The following ADAM28 variants were observed in gnomAD, a reference collection of about 807,000 sequenced individuals.
The protein encoded by ADAM28 is ADAM metallopeptidase domain 28.
Under a neutral mutation model 101.2 loss-of-function variants are expected in ADAM28, and 105 were observed. The ratio of observed to expected loss-of-function variants is 1.04; its 90% confidence interval spans 0.89 to 1.22. The LOEUF (loss-of-function observed/expected upper bound fraction) is 1.22. Among genes scored for constraint, ADAM28 ranks in the 50% most tolerant of loss-of-function variants. The pLI is 0.00. For synonymous variants in ADAM28, 322 were observed against 310.6 expected (o/e 1.04, Z -0.39); for missense variants, 1,028 against 945.4 (o/e 1.09, Z -1.15).
rs1460300825 is a variant in ADAM28 at position 24,339,467 on chromosome 8, A to T, written c.1569A>T (p.Gly523=). The change falls in exon 15 of 23, where the codon GGA becomes GGT. Residue 523 remains glycine, a splice_region_variant and synonymous_variant. Coordinates refer to ENST00000265769, the MANE Select transcript of ADAM28 (RefSeq NM_014265.6). ...CCTGCTGACTGATCCTGGTCCCAGG[A>T]ACTGAGGTTGCAGATAAGTCATGTT... ...QEQCTELWGP[G]TEVADKSCYN... is the part of the protein sequence containing the mutation. 2 of 1,612,036 alleles carry T rather than the reference A, an allele frequency of 1.2e-6. No homozygotes were observed. Among genetic ancestry groups the T allele is most frequent in the Admixed American group, 3.3e-5 (2 of 59,826 alleles).
rs1410568685 is a variant in ADAM28 at position 24,306,383 on chromosome 8, TATTTAAAA to T, written c.151-3508_151-3501del. Among the ~76,000 whole-genome samples, 16 of 136,802 alleles carry T rather than the reference TATTTAAAA, an allele frequency of 1.2e-4. 1 individual carries two copies. The highest frequency in any genetic ancestry group is 2.2e-4 in the Non-Finnish European group (14 of 64,488). The allele number at this position is 136,802 out of a possible 152,430, so 89.7% of individuals were successfully genotyped here. On this transcript the variant is annotated intron_variant, in intron 2 of 22. Transcript: ENST00000265769. ...AAATAAATATATATATATATATATA[TATTTAAAA>T]ATATATATATATATGTTCCACACAA...
At chr8:24,350,008 T>C in intron 19 of ADAM28, 36 bp downstream of exon 19, 1 of 1,581,638 alleles carries the variant, frequency 6.3e-7, no homozygotes, top group Non-Finnish European at 8.7e-7. Context: ...AGGGACTCTT[T>C]GACCCCTATT....
chr8:24,305,836 G>T (rs1044238035), intron 2 of ADAM28, among the ~76,000 whole-genome samples: 1 of 140,364 alleles, frequency 7.1e-6, no homozygotes, highest in African/African-American at 2.5e-5. Context: ...TGCTTCCACA[G>T]CATCTCAGAA....
rs767374899 is a variant in ADAM28 at position 24,351,252 on chromosome 8, CCAGGCCACA to C, written c.2123_2131del (p.Arg708_His710del). The C allele has an allele frequency of 1.1e-5, 18 of 1,606,504 alleles. No individual in the cohort carries two copies. Among genetic ancestry groups the C allele is most frequent in the Non-Finnish European group, 1.5e-5 (18 of 1,176,654 alleles). ...TACAGGCCACTATCTACCACTGGCA[CCAGGCCACA>C]CAAACAGAAGAGGAAACCCCAGATG... On this transcript the variant is annotated inframe_deletion, in exon 20 of 23. Coordinates refer to ENST00000265769, the MANE Select transcript of ADAM28 (RefSeq NM_014265.6).
In ADAM28 at chr8:24,302,991, G is replaced by T. The variant is rs1809032066; in HGVS notation, c.150+2914G>T. 3.5e-5 allele frequency among the ~76,000 whole-genome samples: 5 copies of T among 141,858 alleles called. No individual in the cohort carries two copies. In the South Asian group the frequency reaches 1.1e-3, roughly 31 times the overall value. 93.1% of individuals were successfully genotyped at this position (141,858 alleles called of 152,430 possible). ...GTGTCCATGTGTTCTCATTGTTCAG[G>T]GTTGTTTGTTTTTCTTATAAATTTA... On this transcript the variant is annotated intron_variant, in intron 2 of 22. Coordinates refer to ENST00000265769, the MANE Select transcript of ADAM28 (RefSeq NM_014265.6).
chr8:24,341,331 T>C, intron 15 of ADAM28: 1 of 322,232 alleles, frequency 3.1e-6, no homozygotes, highest in Non-Finnish European at 5.6e-6. Context: ...GTGCTTAAGA[T>C]TCTGTTTTCT....
At chr8:24,318,297 G>A (rs527799425) in intron 6 of ADAM28, among the ~76,000 whole-genome samples, 4 of 151,956 alleles carry the variant, frequency 2.6e-5, no homozygotes, top group African/African-American at 4.8e-5. Flanking sequence ...ACATTTTATC[G>A]TTTTGGCTTT....
chr8:24,348,512 T>C (rs2129337170), intron 18 of ADAM28, among the ~76,000 whole-genome samples: 1 of 152,322 alleles, frequency 6.6e-6, no homozygotes, highest in East Asian at 1.9e-4. Flanking sequence ...TAGGATTATT[T>C]TCTGTCTCTC....
At chr8:24,324,143 A>G in intron 9 of ADAM28, 140 bp downstream of exon 9, 1 of 643,186 alleles carries the variant, frequency 1.6e-6, no homozygotes, top group Non-Finnish European at 2.4e-6. Flanking sequence ...ATATGCTCTT[A>G]TTTTGGATCC....
chr8:24,305,433 T>A (rs1025174060), intron 2 of ADAM28, among the ~76,000 whole-genome samples: 17 of 148,820 alleles, frequency 1.1e-4, no homozygotes, highest in African/African-American at 4.2e-4. Context: ...ACTGTCCAGG[T>A]AAATTTTTAA....
rs1199660078 is a variant in ADAM28 at position 24,343,508 on chromosome 8, G to C, written c.1914G>C (p.Val638=). 1.2e-6 allele frequency: 2 copies of C among 1,613,732 alleles called. No homozygotes were observed. Among genetic ancestry groups the C allele is most frequent in the Non-Finnish European group, 1.7e-6 (2 of 1,179,800 alleles). The change falls in exon 18 of 23, where the codon GTG becomes GTC. Residue 638 remains valine, a splice_region_variant and synonymous_variant. Transcript: ENST00000265769. The part of the protein sequence containing the change: ...NCSSKCKGHA[V]CDHELQCQCE... ...TAACAGGATCATTGCTCCCCTAGGTGTGTGACCATGAGCTCCAGTGTCAAT... is the reference window on the plus strand; with the variant it reads ...TAACAGGATCATTGCTCCCCTAGGTCTGTGACCATGAGCTCCAGTGTCAAT...
In ADAM28 at chr8:24,294,213, T is replaced by C. The variant is rs1432337516; in HGVS notation, c.46+18T>C. 6.2e-7 allele frequency: 1 copy of C among 1,613,944 alleles called. No homozygotes were observed. The highest frequency in any genetic ancestry group is 1.1e-5 in the South Asian group (1 of 91,080). On this transcript the variant is annotated intron_variant, in intron 1 of 22. Transcript: ENST00000265769. ...TGTTGCAGGTACATATTTAGCTCTT[T>C]TTCAGGTTCTATTGAATGCATTAGC...
intron 14 of ADAM28, among the ~76,000 whole-genome samples, chr8:24,337,166 C>G (rs62502746): frequency 0.16 from 24,611 of 152,218 alleles, 2,099 homozygotes; most frequent in East Asian, 0.35. Flanking sequence ...AAGCTCAATT[C>G]CCTTAGTATG....
chr8:24,318,395 C>T (rs951711572), intron 6 of ADAM28, among the ~76,000 whole-genome samples: 5 of 151,992 alleles, frequency 3.3e-5, no homozygotes, highest in Admixed American at 3.3e-4. Flanking sequence ...TCACATAGCT[C>T]AATCCTGGAT....
chr8:24,317,432 G>A (rs1421016881), intron 6 of ADAM28, among the ~76,000 whole-genome samples: 1 of 151,998 alleles, frequency 6.6e-6, no homozygotes, highest in Non-Finnish European at 1.5e-5. Flanking sequence ...ACACACTGGG[G>A]AAAGGATAGT....
At position 24,356,121 on chromosome 8, in the gene ADAM28, T is replaced by C. The variant is rs186924330; in HGVS notation, c.*1717T>C. The C allele has an allele frequency of 1.3e-5, 2 of 152,280 alleles. No homozygotes were observed. Among genetic ancestry groups the C allele is most frequent in the African/African-American group, 4.8e-5 (2 of 41,570 alleles). The allele number at this position is 152,280 out of a possible 1,614,324, so 9.4% of individuals were successfully genotyped here. A position where few individuals can be genotyped will look rare whatever the true frequency, so the allele number is the denominator to read the frequency against. On this transcript the variant is annotated 3_prime_UTR_variant, in exon 23 of 23. Transcript: ENST00000265769. ...AAATCACTGTCAAGGATACAGGCTTTTTCTCCATGTGGCATTTGCAGAAGA... is the reference window on the plus strand; with the variant it reads ...AAATCACTGTCAAGGATACAGGCTTCTTCTCCATGTGGCATTTGCAGAAGA...
intron 2 of ADAM28, chr8:24,301,055 GTCT>G (rs879535034): frequency 2.7e-4 from 41 of 152,222 alleles, no homozygotes; most frequent in Middle Eastern, 3.4e-3. Flanking sequence ...GCACTCTTAA[GTCT>G]TCTTCTGGGA....
intron 18 of ADAM28, among the ~76,000 whole-genome samples, chr8:24,347,255 T>C (rs972895330): frequency 6.6e-6 from 1 of 152,108 alleles, no homozygotes; most frequent in Non-Finnish European, 1.5e-5. Flanking sequence ...TTTGCAACCT[T>C]TGAATAAACC....
rs1816728204 is a variant in ADAM28, at chr8:24,356,976, A to G, written c.*2572A>G. 6.6e-6 allele frequency: 1 copy of G among 152,174 alleles called. No homozygotes were observed. Among genetic ancestry groups the G allele is most frequent in the Non-Finnish European group, 1.5e-5 (1 of 68,026 alleles). 9.4% of individuals were successfully genotyped at this position (152,174 alleles called of 1,614,324 possible). A position where few individuals can be genotyped will look rare whatever the true frequency, so the allele number is the denominator to read the frequency against. ...GAATATGGAAAGGGTTATTATTATAATTAGGATTTTATTATTCACATTGGA... is the reference window on the plus strand; with the variant it reads ...GAATATGGAAAGGGTTATTATTATAGTTAGGATTTTATTATTCACATTGGA... On this transcript the variant is annotated 3_prime_UTR_variant, in exon 23 of 23. Coordinates refer to ENST00000265769, the MANE Select transcript of ADAM28 (RefSeq NM_014265.6).
Sources: allele counts gnomAD v4.1 joint callset (sites outside exome capture counted in the v4.1 genomes callset), GRCh38; gene constraint gnomAD v4.1.1; transcripts MANE v1.5; gene names NCBI Gene and HGNC (gene_info 2026-07-23, HGNC 2026-07-21).